Variants in ZNF469 observed in about 807,000 individuals in gnomAD.
ZNF469 encodes zinc finger protein 469.
ZNF469 carries 1 observed loss-of-function variant against 1.0 expected under a neutral mutation model. The ratio of observed to expected loss-of-function variants is 1.00; its 90% CI spans 0.35 to 4.73. The LOEUF (loss-of-function observed/expected upper bound fraction) is 4.73, where lower values mean the gene tolerates loss of function less well. ZNF469 is among the 30% of genes most tolerant of loss of function. The pLI is 0.16. For synonymous variants in ZNF469, 2,703 were observed against 2,363.4 expected, an observed-to-expected ratio of 1.14 and a Z score of -4.17; for missense variants, 6,100 against 5,356.3, an observed-to-expected ratio of 1.14 and a Z score of -4.33.
At position 88,439,246 on chromosome 16, in the gene ZNF469, G is replaced by A. The variant is rs773010511; in HGVS notation, c.11776G>A (p.Glu3926Lys). 60 of 1,550,496 alleles carry A rather than the reference G, an allele frequency of 3.9e-5. No homozygotes were observed. Among genetic ancestry groups the A allele is most frequent in the African/African-American group, 3.8e-4 (28 of 73,192 alleles). Residue 3926 changes from glutamate (E) to lysine (K), a missense_variant, in exon 3 of 3, where the codon GAG (glutamate) becomes AAG (lysine). Glu to Lys is a moderately conservative substitution (Grantham distance 56). Coordinates refer to ENST00000565624, the MANE Select transcript of ZNF469 (RefSeq NM_001367624.2). ...CGAGCCACACACCCACCGGACGGCCGAGGCCCAGAGTGACCTCCTCAGCCA... is the reference window on the plus strand; with the variant it reads ...CGAGCCACACACCCACCGGACGGCCAAGGCCCAGAGTGACCTCCTCAGCCA... ...PAEPHTHRTAEAQSDLLSQLF... is the reference protein window; with the variant it reads ...PAEPHTHRTAKAQSDLLSQLF...
At chr16:88,148,373 G>A in the ZNF469 span, among the ~76,000 whole-genome samples, 30 of 152,268 alleles carry the variant, frequency 2.0e-4, 1 homozygote, top group Middle Eastern at 3.4e-3. Context: ...GCTCCATGCC[G>A]GACACACACC....
the ZNF469 span, among the ~76,000 whole-genome samples, chr16:88,267,006 C>G: frequency 2.7e-4 from 41 of 152,356 alleles, no homozygotes; most frequent in African/African-American, 8.9e-4. Context: ...CAGCCCCCGC[C>G]AAGTCCTCGG....
chr16:88,235,620 C>G, the ZNF469 span, among the ~76,000 whole-genome samples: 4 of 152,356 alleles, frequency 2.6e-5, no homozygotes, highest in Admixed American at 2.6e-4. Flanking sequence ...TTCCTCCCAC[C>G]TGAGTTAGCA....
At chr16:88,390,357 C>A (rs1904452940) in intron 1 of ZNF469, among the ~76,000 whole-genome samples, 1 of 152,204 alleles carries the variant, frequency 6.6e-6, no homozygotes, top group African/African-American at 2.4e-5. Context: ...GGGCACCTGT[C>A]CAGAGCCTAC....
chr16:88,271,590 G>T, the ZNF469 span, among the ~76,000 whole-genome samples: 2 of 140,018 alleles, frequency 1.4e-5, no homozygotes, highest in African/African-American at 5.0e-5. Flanking sequence ...CATCCAGGGG[G>T]CCAGGCCCCA....
chr16:88,284,918 T>C, the ZNF469 span, among the ~76,000 whole-genome samples: 1 of 152,254 alleles, frequency 6.6e-6, no homozygotes, highest in African/African-American at 2.4e-5. Flanking sequence ...CCCAGGCTCA[T>C]GCAGGAAGAA....
chr16:88,384,023 G>T (rs891235851), intron 1 of ZNF469, among the ~76,000 whole-genome samples: 12 of 152,182 alleles, frequency 7.9e-5, no homozygotes, highest in Non-Finnish European at 1.6e-4. Context: ...AGAGGGACAG[G>T]TCCCCGGCGG....
the ZNF469 span, among the ~76,000 whole-genome samples, chr16:88,109,402 C>T: frequency 6.6e-6 from 1 of 152,246 alleles, no homozygotes; most frequent in Non-Finnish European, 1.5e-5. Flanking sequence ...TTTCCTGGGA[C>T]CCAGGCATGA....
rs1474260751 is a variant in ZNF469, at chr16:88,434,231, A to G, written c.6761A>G (p.Glu2254Gly). The G allele has an allele frequency of 6.5e-7, 1 of 1,550,348 alleles. No individual in the cohort carries two copies. Among genetic ancestry groups the G allele is most frequent in the Admixed American group, 2.0e-5 (1 of 51,018 alleles). ...TPKDSTLRIPEDSRKEKLWES... is the reference protein window; with the variant it reads ...TPKDSTLRIPGDSRKEKLWES... ...AAAGACAGCACTTTAAGAATTCCAG[A>G]GGATTCCAGAAAAGAGAAGCTGTGG... Residue 2254 changes from glutamate to glycine, a missense_variant, in exon 3 of 3, where the codon GAG becomes GGG. Physicochemically the swap from Glu to Gly is moderately conservative, Grantham distance 98 (BLOSUM62 -2). Transcript: ENST00000565624.
Position 88,436,110 on chromosome 16 carries a change from G to T in ZNF469, c.8640G>T (p.Lys2880Asn). ...TRKRNPHVYG[K>N]RCEKPVLPLP... The stretch of plus-strand genomic sequence containing the variant: ...AGAGGAACCCGCATGTCTACGGGAA[G>T]CGCTGTGAGAAGCCGGTGCTCCCGC... The change falls in exon 3 of 3, where the codon AAG becomes AAT. Residue 2880 changes from lysine (K) to asparagine (N), a missense_variant. Coordinates refer to ENST00000565624, the MANE Select transcript of ZNF469 (RefSeq NM_001367624.2). 1.3e-6 allele frequency: 2 copies of T among 1,549,020 alleles called. No individual in the cohort carries two copies. Among genetic ancestry groups the T allele is most frequent in the South Asian group, 2.4e-5 (2 of 84,060 alleles).
chr16:88,426,919 C>T (rs549317507), intron 2 of ZNF469, among the ~76,000 whole-genome samples: 1 of 152,268 alleles, frequency 6.6e-6, no homozygotes, highest in South Asian at 2.1e-4. Flanking sequence ...CCACCTGGGC[C>T]CTCCTGGACG....
chr16:88,230,490 C>A, the ZNF469 span, among the ~76,000 whole-genome samples: 4 of 152,046 alleles, frequency 2.6e-5, no homozygotes, highest in Non-Finnish European at 4.4e-5. Flanking sequence ...TGGGGACTCC[C>A]CTAGAGGAGC....
At chr16:88,239,358 A>G in the ZNF469 span, among the ~76,000 whole-genome samples, 1 of 152,240 alleles carries the variant, frequency 6.6e-6, no homozygotes. Flanking sequence ...TCTAGCATTG[A>G]CTGTTGAAAG....
the ZNF469 span, among the ~76,000 whole-genome samples, chr16:88,109,201 C>A: frequency 1.6e-4 from 24 of 152,206 alleles, no homozygotes; most frequent in African/African-American, 5.3e-4. Context: ...TGTTTCCATT[C>A]AGGACACCCA....
chr16:88,315,975 C>G, the ZNF469 span, among the ~76,000 whole-genome samples: 100,598 of 152,104 alleles, frequency 0.66, 34,413 homozygotes, highest in East Asian at 0.96. Flanking sequence ...ACCCCCGGCG[C>G]CTGCACCACT....
chr16:88,357,676 C>T, the ZNF469 span, among the ~76,000 whole-genome samples: 2 of 152,348 alleles, frequency 1.3e-5, no homozygotes, highest in Admixed American at 6.5e-5. Flanking sequence ...CTCCGAAGCA[C>T]GCCAAGTCTG....
chr16:88,298,082 G>A, the ZNF469 span, among the ~76,000 whole-genome samples: 2 of 152,340 alleles, frequency 1.3e-5, no homozygotes, highest in African/African-American at 4.8e-5. Context: ...AATGGCACAA[G>A]GGCCTTAAGA....
chr16:88,426,527 C>G (rs1309298832), intron 2 of ZNF469, among the ~76,000 whole-genome samples: 1 of 152,268 alleles, frequency 6.6e-6, no homozygotes, highest in African/African-American at 2.4e-5. Context: ...AGGGGCCAGG[C>G]TCCTCTGGGC....
At chr16:88,403,953 G>A (rs909151865) in intron 1 of ZNF469, among the ~76,000 whole-genome samples, 3 of 152,308 alleles carry the variant, frequency 2.0e-5, no homozygotes, top group South Asian at 2.1e-4. Flanking sequence ...GGCTTCGGGC[G>A]GTGCTGCAGG....
Sources: gnomAD v4.1 joint callset for allele counts (sites outside exome capture counted in the v4.1 genomes callset) on GRCh38, gnomAD v4.1.1 for gene constraint, MANE v1.5 for transcripts, NCBI Gene and HGNC (gene_info 2026-07-23, HGNC 2026-07-21) for gene names.